Variants in VPS41 observed in about 807,000 individuals in gnomAD.
The protein encoded by VPS41 is vacuolar protein sorting-associated protein 41 homolog.
Under a neutral mutation model 130.9 loss-of-function variants are expected in VPS41, and 85 were observed. That is an observed-to-expected ratio of 0.65 (90% CI 0.55 to 0.78). The LOEUF (loss-of-function observed/expected upper bound fraction) is 0.78. Among genes scored for constraint, VPS41 ranks in the 30% least tolerant of loss-of-function variants. The probability of loss-of-function intolerance (pLI) is 0.00; values close to 1 mark genes in which losing one functional copy is unlikely to be tolerated. For synonymous variants in VPS41, 335 were observed against 332.9 expected, an observed-to-expected ratio of 1.01 and a Z score of -0.07; for missense variants, 874 against 1,018.7, an observed-to-expected ratio of 0.86 and a Z score of 1.93.
At chr7:38,801,085 T>C (rs539449153) in intron 7 of VPS41, among the ~76,000 whole-genome samples, 2 of 152,292 alleles carry the variant, frequency 1.3e-5, no homozygotes, top group South Asian at 2.1e-4. Flanking sequence ...GTGGCAGAAC[T>C]CTGGCCTCCT....
chr7:38,819,674 T>C (rs1298164264), intron 6 of VPS41, among the ~76,000 whole-genome samples: 2 of 152,140 alleles, frequency 1.3e-5, no homozygotes, highest in Non-Finnish European at 2.9e-5. Flanking sequence ...TTCCTCCTTG[T>C]AGAAACCCTC....
chr7:38,731,261 G>C (rs1484200504), intron 25 of VPS41, among the ~76,000 whole-genome samples: 1 of 152,200 alleles, frequency 6.6e-6, no homozygotes, highest in Admixed American at 6.5e-5. Context: ...AGTGAAGGAA[G>C]ACAGTACAAG....
chr7:38,767,916 T>C (rs1333884180), intron 14 of VPS41, among the ~76,000 whole-genome samples: 1 of 152,210 alleles, frequency 6.6e-6, no homozygotes, highest in African/African-American at 2.4e-5. Flanking sequence ...ATTAGAAACA[T>C]GATCGAACAA....
intron 1 of VPS41, among the ~76,000 whole-genome samples, chr7:38,902,505 C>T (rs1469094044): frequency 3.3e-5 from 5 of 152,082 alleles, no homozygotes; most frequent in Non-Finnish European, 7.4e-5. Flanking sequence ...ACCTGTACTC[C>T]TGACTGTATG....
At chr7:38,731,002 T>C (rs1165599908) in intron 25 of VPS41, among the ~76,000 whole-genome samples, 1 of 152,196 alleles carries the variant, frequency 6.6e-6, no homozygotes, top group Non-Finnish European at 1.5e-5. Flanking sequence ...GCAGATAGCA[T>C]TTTCTAGGAA....
At chr7:38,859,520 G>A (rs1786056315) in intron 4 of VPS41, among the ~76,000 whole-genome samples, 1 of 151,960 alleles carries the variant, frequency 6.6e-6, no homozygotes, top group Non-Finnish European at 1.5e-5. Context: ...TCTATATTTA[G>A]GTATGTTTAA....
intron 14 of VPS41, among the ~76,000 whole-genome samples, chr7:38,768,828 G>T (rs1217578406): frequency 6.6e-6 from 1 of 151,924 alleles, no homozygotes; most frequent in Non-Finnish European, 1.5e-5. Context: ...AACCTTTTAT[G>T]TCAACTCTAT....
intron 14 of VPS41, among the ~76,000 whole-genome samples, chr7:38,770,093 A>C (rs749509297): frequency 1.3e-5 from 2 of 152,148 alleles, no homozygotes; most frequent in Non-Finnish European, 2.9e-5. Flanking sequence ...AACATGGAGA[A>C]GTCCCGTCTC....
At chr7:38,906,094 C>T (rs1787255114) in intron 1 of VPS41, among the ~76,000 whole-genome samples, 3 of 151,818 alleles carry the variant, frequency 2.0e-5, no homozygotes, top group Admixed American at 2.0e-4. Context: ...CCGCACGCAG[C>T]CCTATTTTCT....
intron 13 of VPS41, 145 bp from the exon 14 acceptor site, chr7:38,771,399 G>T: frequency 1.7e-6 from 1 of 586,328 alleles, no homozygotes; most frequent in Non-Finnish European, 2.9e-6. Context: ...CACGAATAAA[G>T]CTCCATTTTC....
At chr7:38,860,703 GTGT>G (rs1786087229) in intron 4 of VPS41, among the ~76,000 whole-genome samples, 1 of 57,806 alleles carries the variant, frequency 1.7e-5, no homozygotes, top group South Asian at 3.1e-4. Context: ...CTGTTTGTGT[GTGT>G]GTGTGTGTGT....
intron 7 of VPS41, among the ~76,000 whole-genome samples, chr7:38,798,741 G>T (rs564590534): frequency 6.6e-6 from 1 of 152,120 alleles, no homozygotes; most frequent in African/African-American, 2.4e-5. Flanking sequence ...CAGGATGGCC[G>T]GGAGAACAGC....
chr7:38,883,768 T>C (rs1353779231), intron 2 of VPS41, among the ~76,000 whole-genome samples: 2 of 152,226 alleles, frequency 1.3e-5, no homozygotes, highest in African/African-American at 2.4e-5. Context: ...TTTTCATCTC[T>C]TCAATCTCTA....
At chr7:38,792,609 G>A (rs68175808) in intron 9 of VPS41, among the ~76,000 whole-genome samples, 15,346 of 152,044 alleles carry the variant, frequency 0.1, 1,157 homozygotes, top group African/African-American at 0.21. Flanking sequence ...AGATGACTGC[G>A]GTAGCCTAAT....
chr7:38,833,513 G>T (rs1167710096), intron 4 of VPS41, among the ~76,000 whole-genome samples: 2 of 152,012 alleles, frequency 1.3e-5, no homozygotes, highest in African/African-American at 4.8e-5. Context: ...CAGCCTTAAG[G>T]CCTTTCCATT....
intron 7 of VPS41, among the ~76,000 whole-genome samples, chr7:38,810,435 T>G (rs1784921962): frequency 6.6e-6 from 1 of 152,206 alleles, no homozygotes; most frequent in Admixed American, 6.5e-5. Context: ...CTTTAATAAT[T>G]TTTATAGGAA....
Position 38,754,955 on chromosome 7 carries a change from G to A in VPS41, c.1696-19C>T. 6.2e-7 allele frequency: 1 copy of A among 1,611,988 alleles called. No individual in the cohort carries two copies. The highest frequency in any genetic ancestry group is 8.5e-7 in the Non-Finnish European group (1 of 1,178,772). ...CAGCTTTCTGAAACATATAAGAAAA[G>A]CCACAGTCAATGAAATCCGTTATTT... On this transcript the variant is annotated intron_variant, in intron 19 of 28. Transcript: ENST00000310301.
chr7:38,822,074 A>G (rs1272705841), intron 5 of VPS41, among the ~76,000 whole-genome samples: 1 of 152,222 alleles, frequency 6.6e-6, no homozygotes, highest in African/African-American at 2.4e-5. Context: ...CTGAGAATAC[A>G]GAAATGAAAG....
chr7:38,729,366 C>T (rs548361757), intron 25 of VPS41, among the ~76,000 whole-genome samples: 1 of 152,256 alleles, frequency 6.6e-6, no homozygotes, highest in South Asian at 2.1e-4. Context: ...CTATCTTTTT[C>T]TTTCCAAATC....
Sources: allele counts gnomAD v4.1 joint callset (sites outside exome capture counted in the v4.1 genomes callset), GRCh38; gene constraint gnomAD v4.1.1; transcripts MANE v1.5; gene names NCBI Gene and HGNC (gene_info 2026-07-23, HGNC 2026-07-21).